FSIP2: variants seen among roughly 807,000 people sequenced by gnomAD.
FSIP2 encodes fibrous sheath-interacting protein 2.
Under a neutral mutation model 510.5 loss-of-function variants are expected in FSIP2, and 367 were observed. The observed-to-expected ratio is 0.72, with a 90% confidence interval of 0.66 to 0.78. The LOEUF is 0.78. Among genes scored for constraint, FSIP2 ranks in the 30% least tolerant of loss-of-function variants. The pLI is 0.00. For missense variants in FSIP2, 7,594 were observed against 7,901.7 expected, an observed-to-expected ratio of 0.96 and a Z score of 1.48; for synonymous variants, 2,601 against 2,732.2, an observed-to-expected ratio of 0.95 and a Z score of 1.50.
In FSIP2 at chr2:185,794,480, A is replaced by G. The variant is rs769189703; in HGVS notation, c.7344A>G (p.Pro2448=). 3 of 1,520,608 alleles carry G rather than the reference A, an allele frequency of 2.0e-6. No homozygotes were observed. The highest frequency in any genetic ancestry group is 2.5e-5 in the East Asian group (1 of 40,752). 94.2% of individuals were successfully genotyped at this position (1,520,608 alleles called of 1,614,324 possible). Residue 2448 remains proline, a synonymous_variant, in exon 16 of 23, where the codon CCA becomes CCG. Coordinates refer to ENST00000424728, the MANE Select transcript of FSIP2 (RefSeq NM_173651.4). Reference sequence around the variant, plus strand: ...AACAATCTCTATTTACAAAGTATCCATTAGAGCAAAACCAAATGATATTGG... The same window carrying G: ...AACAATCTCTATTTACAAAGTATCCGTTAGAGCAAAACCAAATGATATTGG... ...STKQSLFTKY[P]LEQNQMILEN... is the part of the protein sequence containing the mutation.
chr2:185,752,193 A>T (rs1692162418), intron 7 of FSIP2, among the ~76,000 whole-genome samples: 1 of 150,934 alleles, frequency 6.6e-6, no homozygotes, highest in Non-Finnish European at 1.5e-5. Flanking sequence ...GTTAACATCA[A>T]CTGGGTGTAG....
At chr2:185,823,893 T>C (rs1693968911) in intron 19 of FSIP2, among the ~76,000 whole-genome samples, 1 of 151,808 alleles carries the variant, frequency 6.6e-6, no homozygotes, top group South Asian at 2.1e-4. Flanking sequence ...TGGAATGTTA[T>C]TCAGCCTTAA....
intron 7 of FSIP2, among the ~76,000 whole-genome samples, chr2:185,749,092 C>A (rs755690837): frequency 1.3e-5 from 2 of 151,920 alleles, no homozygotes; most frequent in Non-Finnish European, 2.9e-5. Flanking sequence ...GTCAGTCTTA[C>A]ACATTTTTCT....
intron 13 of FSIP2, among the ~76,000 whole-genome samples, chr2:185,779,300 G>T (rs1369604304): frequency 2.7e-5 from 4 of 148,468 alleles, no homozygotes; most frequent in Middle Eastern, 3.5e-3. Flanking sequence ...TTTTTATCTA[G>T]TTTTTTTTTT....
At chr2:185,787,415 A>C (rs1242610991) in intron 15 of FSIP2, among the ~76,000 whole-genome samples, 1 of 151,680 alleles carries the variant, frequency 6.6e-6, no homozygotes, top group East Asian at 1.9e-4. Context: ...TTTTCTTTGA[A>C]TGTTTCTCTG....
In FSIP2 at chr2:185,797,236, T is replaced by C. The variant is rs1693310592; in HGVS notation, c.10100T>C (p.Leu3367Ser). The C allele has an allele frequency of 2.0e-6, 3 of 1,534,952 alleles. No individual in the cohort carries two copies. The highest frequency in any genetic ancestry group is 2.6e-6 in the Non-Finnish European group (3 of 1,146,190). Residue 3367 changes from leucine (L) to serine (S), a missense_variant, in exon 16 of 23, where the codon TTA (leucine) becomes TCA (serine). Leu to Ser is a moderately radical substitution (Grantham distance 145). Transcript: ENST00000424728. ...KPFFISKQSS[L>S]SEVSGGQKDN... is the part of the protein sequence containing the mutation. ...TTTTTCATATCAAAACAAAGCTCTT[T>C]ATCTGAAGTATCTGGAGGGCAAAAG...
intron 2 of FSIP2, among the ~76,000 whole-genome samples, chr2:185,741,731 G>A (rs1203191443): frequency 6.6e-6 from 1 of 152,160 alleles, no homozygotes. Context: ...CTCCTTGGAA[G>A]GAATTAAAGT....
Position 185,800,434 on chromosome 2 carries a change from G to T in FSIP2, c.11128G>T (p.Asp3710Tyr), listed in dbSNP as rs775960683. The T allele has an allele frequency of 3.9e-6, 6 of 1,528,562 alleles. No homozygotes were observed. In the South Asian group the frequency reaches 7.3e-5, roughly 19 times the overall value. The allele number at this position is 1,528,562 out of a possible 1,614,324, so 94.7% of individuals were successfully genotyped here. The change falls in exon 17 of 23, where the codon GAT becomes TAT. Residue 3710 changes from aspartate to tyrosine, a missense_variant. Physicochemically the swap from Asp to Tyr is radical, Grantham distance 160. Transcript: ENST00000424728. ...FNIVSDLFSP[D>Y]ECLDTGMDSG... ...TATTGTTTCAGATTTATTTTCACCAGATGAATGCCTAGATACGGGTATGGA... is the reference window on the plus strand; with the variant it reads ...TATTGTTTCAGATTTATTTTCACCATATGAATGCCTAGATACGGGTATGGA...
At chr2:185,817,181 G>A (rs971368423) in intron 19 of FSIP2, among the ~76,000 whole-genome samples, 3 of 152,042 alleles carry the variant, frequency 2.0e-5, no homozygotes, top group African/African-American at 7.2e-5. Flanking sequence ...TTGGTGGAAA[G>A]AGCAGAGTAG....
At position 185,809,033 on chromosome 2, in the gene FSIP2, G is replaced by A. The variant is rs1184985545; in HGVS notation, c.19727G>A (p.Gly6576Glu). The change falls in exon 17 of 23, where the codon GGG becomes GAG. Residue 6576 changes from glycine to glutamate, a missense_variant. Coordinates refer to ENST00000424728, the MANE Select transcript of FSIP2 (RefSeq NM_173651.4). ...GAACTGAGAAGAGCATCAATAAGTG[G>A]GAGAAATTACTCCTTAGGATCACCT... is the stretch of plus-strand genomic sequence containing the variant. ...IAELRRASIS[G>E]RNYSLGSPDL... 1 of 1,612,472 alleles carries A rather than the reference G, an allele frequency of 6.2e-7. No homozygotes were observed. The highest frequency in any genetic ancestry group is 8.5e-7 in the Non-Finnish European group (1 of 1,179,346).
In FSIP2 at chr2:185,743,197, A is replaced by G; in HGVS notation, c.290A>G (p.Tyr97Cys). The G allele has an allele frequency of 6.5e-7, 1 of 1,531,126 alleles. No homozygotes were observed. Among genetic ancestry groups the G allele is most frequent in the Non-Finnish European group, 8.7e-7 (1 of 1,144,786 alleles). 94.8% of individuals were successfully genotyped at this position (1,531,126 alleles called of 1,614,324 possible). A position where few individuals can be genotyped will look rare whatever the true frequency, so the allele number is the denominator to read the frequency against. The part of the protein sequence containing the change: ...DPYCRLLENQ[Y>C]KSLHDPHLKA... The stretch of plus-strand genomic sequence containing the variant: ...TATTGTCGACTTTTGGAAAACCAAT[A>G]TAAAAGCCTCCATGATCCACATTTA... The change falls in exon 3 of 23, where the codon TAT (tyrosine) becomes TGT (cysteine). Residue 97 changes from tyrosine (Y) to cysteine (C), a missense_variant. Physicochemically the swap from Tyr to Cys is radical, Grantham distance 194. Coordinates refer to ENST00000424728, the MANE Select transcript of FSIP2 (RefSeq NM_173651.4).
rs1012894606 is a variant in FSIP2 at position 185,807,706 on chromosome 2, T to A, written c.18400T>A (p.Phe6134Ile). The A allele has an allele frequency of 6.2e-7, 1 of 1,612,856 alleles. No individual in the cohort carries two copies. The highest frequency in any genetic ancestry group is 1.3e-5 in the African/African-American group (1 of 74,960). Residue 6134 changes from phenylalanine (F) to isoleucine (I), a missense_variant, in exon 17 of 23, where the codon TTT becomes ATT. Transcript: ENST00000424728. The part of the protein sequence containing the change: ...EVASNQLQSY[F>I]CGELTPHQCV... ...GGCTAGCAATCAGCTGCAGAGCTAT[T>A]TTTGTGGAGAGCTAACTCCACATCA...
Position 185,789,325 on chromosome 2 carries a change from CTGCTG to C in FSIP2, c.2190_2194del (p.Ala731SerfsTer4). 1 of 1,534,862 alleles carries C rather than the reference CTGCTG, an allele frequency of 6.5e-7. No homozygotes were observed. The highest frequency in any genetic ancestry group is 8.7e-7 in the Non-Finnish European group (1 of 1,145,984). The stretch of plus-strand genomic sequence containing the variant: ...GCCATTCCCTCTCTCTCTTCTGTTA[CTGCTG>C]AAGTTTTTGTTGAACAATGTGAACG... On this transcript the variant is annotated frameshift_variant, in exon 16 of 23. Coordinates refer to ENST00000424728, the MANE Select transcript of FSIP2 (RefSeq NM_173651.4). LOFTEE classifies it high-confidence loss of function.
intron 17 of FSIP2, among the ~76,000 whole-genome samples, chr2:185,810,594 C>T (rs2193824): frequency 0.56 from 79,946 of 141,538 alleles, 22,178 homozygotes; most frequent in South Asian, 0.67. Flanking sequence ...AATTTCTTTA[C>T]AGCAGTGGAA....
In FSIP2 at chr2:185,789,724, T is replaced by C; in HGVS notation, c.2588T>C (p.Met863Thr). ...CQQHKTDPIC[M>T]FLQRAGKNKS... is the part of the protein sequence containing the mutation. ...CAACATAAGACAGACCCAATATGTA[T>C]GTTCCTTCAAAGAGCTGGCAAAAAT... The change falls in exon 16 of 23, where the codon ATG (methionine) becomes ACG (threonine). Residue 863 changes from methionine to threonine, a missense_variant. By Grantham distance (81) the Met-to-Thr change is moderately conservative (BLOSUM62 -1). Coordinates refer to ENST00000424728, the MANE Select transcript of FSIP2 (RefSeq NM_173651.4). The C allele has an allele frequency of 6.5e-7, 1 of 1,534,488 alleles. No homozygotes were observed. Among genetic ancestry groups the C allele is most frequent in the Non-Finnish European group, 8.7e-7 (1 of 1,145,776 alleles).
At chr2:185,823,646 C>T (rs1451375875) in intron 19 of FSIP2, among the ~76,000 whole-genome samples, 1 of 151,624 alleles carries the variant, frequency 6.6e-6, no homozygotes, top group Non-Finnish European at 1.5e-5. Context: ...ATGGTGGGAA[C>T]TTCAATAGTG....
intron 5 of FSIP2, 82 bp from the exon 6 acceptor site, chr2:185,746,587 G>C: frequency 9.6e-7 from 1 of 1,039,582 alleles, no homozygotes; most frequent in South Asian, 2.1e-5. Context: ...GCAAGGAAGT[G>C]GTTTGGGAAT....
chr2:185,825,866 C>CGT, intron 20 of FSIP2, among the ~76,000 whole-genome samples: 1 of 151,778 alleles, frequency 6.6e-6, no homozygotes, highest in South Asian at 2.1e-4. Context: ...AGGACTTAAA[C>CGT]AAGATAATTC....
Position 185,788,929 on chromosome 2 carries a change from C to G in FSIP2, c.1793C>G (p.Pro598Arg). The change falls in exon 16 of 23, where the codon CCT becomes CGT. Residue 598 changes from proline (P) to arginine (R), a missense_variant. Transcript: ENST00000424728. ...ACGTCAGTAAGGAGACCAACCACAC[C>G]TATAAAACCTCCTCCTGCACATGTG... ...VDTSVRRPTT[P>R]IKPPPAHVEK... 1 of 1,535,032 alleles carries G rather than the reference C, an allele frequency of 6.5e-7. No homozygotes were observed. Among genetic ancestry groups the G allele is most frequent in the African/African-American group, 1.4e-5 (1 of 73,046 alleles).
Sources: allele counts gnomAD v4.1 joint callset (sites outside exome capture counted in the v4.1 genomes callset), GRCh38; gene constraint gnomAD v4.1.1; transcripts MANE v1.5; gene names NCBI Gene and HGNC (gene_info 2026-07-23, HGNC 2026-07-21).